SLCO1B3: variants seen among roughly 807,000 people sequenced by gnomAD.
SLCO1B3 encodes the protein liver-specific organic anion transporter 2.
SLCO1B3 carries 72 observed loss-of-function variants against 71.8 expected under a neutral mutation model. The ratio of observed to expected loss-of-function variants is 1.00; its 90% CI spans 0.83 to 1.22. The LOEUF (loss-of-function observed/expected upper bound fraction) is 1.22. Among genes scored for constraint, SLCO1B3 ranks in the 50% most tolerant of loss-of-function variants. SLCO1B3 has a pLI of 0.00. For missense variants in SLCO1B3, 911 were observed against 819.7 expected (o/e 1.11, Z -1.36); for synonymous variants, 298 against 278.4 (o/e 1.07, Z -0.70).
chr12:20,908,965 T>G (rs1866310804), intron 15 of SLCO1B3, among the ~76,000 whole-genome samples: 2 of 152,180 alleles, frequency 1.3e-5, no homozygotes, highest in Admixed American at 1.3e-4. Flanking sequence ...ATTGTCAGAC[T>G]GGCTTCAAAA....
chr12:20,835,251 A>G (rs1237463296), intron 3 of SLCO1B3, among the ~76,000 whole-genome samples: 1 of 152,152 alleles, frequency 6.6e-6, no homozygotes, highest in Non-Finnish European at 1.5e-5. Flanking sequence ...CAGACCCGTG[A>G]TGGGCGTGGC....
chr12:20,887,421 A>G (rs965085871), intron 13 of SLCO1B3, among the ~76,000 whole-genome samples: 1 of 151,874 alleles, frequency 6.6e-6, no homozygotes, highest in African/African-American at 2.4e-5. Flanking sequence ...CTTGATGAGT[A>G]TAAGATGATA....
At chr12:20,826,942 C>T (rs1864436771) in intron 3 of SLCO1B3, among the ~76,000 whole-genome samples, 1 of 151,914 alleles carries the variant, frequency 6.6e-6, no homozygotes, top group South Asian at 2.1e-4. Context: ...TGTAACATAA[C>T]TTTAGATTAT....
At chr12:20,831,264 G>A (rs1864533990) in intron 3 of SLCO1B3, among the ~76,000 whole-genome samples, 1 of 144,964 alleles carries the variant, frequency 6.9e-6, no homozygotes, top group South Asian at 2.2e-4. Flanking sequence ...GGCTGAGGCA[G>A]AAGAGTCACT....
At chr12:20,840,728 C>T (rs1482892447) in intron 3 of SLCO1B3, among the ~76,000 whole-genome samples, 1 of 152,086 alleles carries the variant, frequency 6.6e-6, no homozygotes, top group Admixed American at 6.6e-5. Context: ...TTGAATATTT[C>T]TCTCTGTAAT....
chr12:20,856,133 T>C (rs1865131166), intron 4 of SLCO1B3, among the ~76,000 whole-genome samples: 1 of 152,238 alleles, frequency 6.6e-6, no homozygotes, highest in African/African-American at 2.4e-5. Flanking sequence ...ATTGGAATGT[T>C]ATTAGTTTTA....
chr12:20,891,444 C>T (rs577210173), intron 13 of SLCO1B3, among the ~76,000 whole-genome samples: 8 of 151,994 alleles, frequency 5.3e-5, no homozygotes, highest in South Asian at 4.1e-4. Context: ...TCTCTTGCCA[C>T]GTTTAAGATT....
chr12:20,862,907 C>G lies in SLCO1B3; in HGVS notation c.727+53C>G, dbSNP rs200328325. ...GATAGTGTCTTTTAAGTGCAGGACA[C>G]CATTCTTCCAAAGAATTAAATTCAG... On this transcript the variant is annotated intron_variant, in intron 8 of 15. Coordinates refer to ENST00000381545, the MANE Select transcript of SLCO1B3 (RefSeq NM_019844.4). The G allele has an allele frequency of 6.6e-5, 61 of 919,090 alleles. No individual in the cohort carries two copies. In the East Asian group the frequency reaches 1.2e-3, roughly 18 times the overall value. 56.9% of individuals were successfully genotyped at this position (919,090 alleles called of 1,614,324 possible).
chr12:20,890,715 A>G (rs1443110767), intron 13 of SLCO1B3, among the ~76,000 whole-genome samples: 2 of 152,112 alleles, frequency 1.3e-5, no homozygotes, highest in Non-Finnish European at 2.9e-5. Flanking sequence ...TTGGGTTTAT[A>G]TGTTTGGAAT....
chr12:20,886,682 T>TG (rs1473067568), intron 13 of SLCO1B3, among the ~76,000 whole-genome samples: 4 of 152,040 alleles, frequency 2.6e-5, no homozygotes, highest in Non-Finnish European at 5.9e-5. Context: ...TGCATGAAGA[T>TG]GGGAGGTGAA....
chr12:20,887,982 G>A (rs1351076847), intron 13 of SLCO1B3, among the ~76,000 whole-genome samples: 2 of 151,836 alleles, frequency 1.3e-5, no homozygotes, highest in Non-Finnish European at 2.9e-5. Context: ...TGAATAGGGT[G>A]TCCTTTCCTC....
chr12:20,869,849 T>G (rs73069262), intron 8 of SLCO1B3, among the ~76,000 whole-genome samples: 1 of 152,176 alleles, frequency 6.6e-6, no homozygotes, highest in Non-Finnish European at 1.5e-5. Flanking sequence ...GATATACACC[T>G]AGAAGTGAGA....
In SLCO1B3 at chr12:20,916,417, GATTAGA is replaced by G; in HGVS notation, c.*173_*178del. 7.3e-6 allele frequency: 4 copies of G among 550,126 alleles called. No homozygotes were observed. The highest frequency in any genetic ancestry group is 1.3e-5 in the Non-Finnish European group (4 of 318,146). 34.1% of individuals were successfully genotyped at this position (550,126 alleles called of 1,614,324 possible). A position where few individuals can be genotyped will look rare whatever the true frequency, so the allele number is the denominator to read the frequency against. ...GATATAGCTATGCCTTTATGGTTAA[GATTAGA>G]ATATATGATCCATAAAAATTTAAAG... On this transcript the variant is annotated 3_prime_UTR_variant, in exon 16 of 16. Coordinates refer to ENST00000381545, the MANE Select transcript of SLCO1B3 (RefSeq NM_019844.4).
At chr12:20,880,772 C>A (rs896556309) in intron 11 of SLCO1B3, 83 bp from the exon 12 acceptor site, 1 of 879,812 alleles carries the variant, frequency 1.1e-6, no homozygotes, top group South Asian at 2.2e-5. Flanking sequence ...TTTCCCCTCT[C>A]CTTATCCCCT....
intron 4 of SLCO1B3, among the ~76,000 whole-genome samples, chr12:20,857,456 TTA>T (rs1463901563): frequency 1.3e-5 from 2 of 151,976 alleles, no homozygotes; most frequent in Non-Finnish European, 2.9e-5. Flanking sequence ...CCTCTTTTCT[TTA>T]TGTTTCATCA....
At chr12:20,821,128 G>T (rs1215385810) in intron 3 of SLCO1B3, among the ~76,000 whole-genome samples, 1 of 152,118 alleles carries the variant, frequency 6.6e-6, no homozygotes, top group Non-Finnish European at 1.5e-5. Flanking sequence ...GGCCTGAGGG[G>T]ACAGGCGGGA....
intron 13 of SLCO1B3, among the ~76,000 whole-genome samples, chr12:20,891,733 C>T (rs996756708): frequency 2.6e-5 from 4 of 151,972 alleles, no homozygotes; most frequent in African/African-American, 9.7e-5. Flanking sequence ...ATTTACTTTT[C>T]TATGTATTTT....
intron 15 of SLCO1B3, among the ~76,000 whole-genome samples, chr12:20,906,932 A>G (rs1231638219): frequency 6.6e-6 from 1 of 152,182 alleles, no homozygotes; most frequent in Non-Finnish European, 1.5e-5. Flanking sequence ...ATACTCCCAA[A>G]ATACTGAAAA....
chr12:20,811,095 A>G (rs1162026415), intron 1 of SLCO1B3, among the ~76,000 whole-genome samples: 2 of 152,228 alleles, frequency 1.3e-5, no homozygotes, highest in Admixed American at 6.5e-5. Flanking sequence ...AAAATATACT[A>G]TAAGATAATT....
Sources: gnomAD v4.1 joint callset for allele counts (sites outside exome capture counted in the v4.1 genomes callset) on GRCh38, gnomAD v4.1.1 for gene constraint, MANE v1.5 for transcripts, NCBI Gene and HGNC (gene_info 2026-07-23, HGNC 2026-07-21) for gene names.